Variants in ATAD3B observed in about 807,000 individuals in gnomAD.
ATAD3B encodes ATPase family AAA domain-containing protein 3B.
ATAD3B carries 59 observed loss-of-function variants against 70.2 expected under a neutral mutation model. The observed-to-expected ratio is 0.84, with a 90% confidence interval of 0.68 to 1.04. The LOEUF is 1.04. Ranked by LOEUF, ATAD3B falls within the 50% of genes least tolerant of loss-of-function variation. ATAD3B has a pLI of 0.00. For missense variants in ATAD3B, 961 were observed against 913.4 expected, an observed-to-expected ratio of 1.05 and a Z score of -0.67; for synonymous variants, 423 against 388.6, an observed-to-expected ratio of 1.09 and a Z score of -1.04.
At chr1:1,487,152 A>C (rs557247716) in intron 11 of ATAD3B, among the ~76,000 whole-genome samples, 2 of 152,234 alleles carry the variant, frequency 1.3e-5, no homozygotes, top group African/African-American at 2.4e-5. Context: ...CACGATCCTC[A>C]TGGTTGGCAC....
chr1:1,495,408 C>T, intron 15 of ATAD3B, 77 bp from the exon 16 acceptor site: 1 of 1,517,992 alleles, frequency 6.6e-7, no homozygotes, highest in Non-Finnish European at 8.8e-7. Context: ...GGCCCCTCCC[C>T]ACCTCGGGGC....
At chr1:1,490,816 C>G in intron 15 of ATAD3B, 145 bp downstream of exon 15, 1 of 1,464,546 alleles carries the variant, frequency 6.8e-7, no homozygotes, top group Non-Finnish European at 9.1e-7. Context: ...ACAGGGCCCC[C>G]TGCCTCAGTC....
rs761025941 is a variant in ATAD3B, at chr1:1,486,529, A to G, written c.1090-15A>G. The stretch of plus-strand genomic sequence containing the variant: ...GGGAACATCTGTTCTGTCTCCCCTC[A>G]CTCTTCTTGTCCAGAAACTCGCCCT... On this transcript the variant is annotated splice_polypyrimidine_tract_variant and intron_variant, in intron 10 of 15. Coordinates refer to ENST00000673477, the MANE Select transcript of ATAD3B (RefSeq NM_031921.6). 38 of 1,611,628 alleles carry G rather than the reference A, an allele frequency of 2.4e-5. 1 individual carries two copies. In the South Asian group the frequency reaches 3.8e-4, roughly 16 times the overall value.
At chr1:1,505,315 C>T in the ATAD3B span, among the ~76,000 whole-genome samples, 3 of 152,272 alleles carry the variant, frequency 2.0e-5, no homozygotes, top group South Asian at 6.2e-4. Context: ...TTATCAGAGA[C>T]TTTTAGTACT....
chr1:1,503,497 T>C, the ATAD3B span: 5 of 1,375,042 alleles, frequency 3.6e-6, no homozygotes, highest in Non-Finnish European at 3.0e-6. Flanking sequence ...TGGCCGTGGA[T>C]TCCAGAAAGC....
chr1:1,489,732 C>A (rs774484490), intron 13 of ATAD3B: 8 of 1,309,540 alleles, frequency 6.1e-6, no homozygotes, highest in Non-Finnish European at 8.0e-6. Context: ...TCCTGCTGGT[C>A]GGCCGTGGCT....
At chr1:1,479,324 C>G (rs35839908) in intron 4 of ATAD3B, among the ~76,000 whole-genome samples, 17,370 of 147,264 alleles carry the variant, frequency 0.12, 3,621 homozygotes, top group East Asian at 0.54. Flanking sequence ...ACACAGGCAC[C>G]TGCCCACACA....
chr1:1,489,807 C>T, intron 13 of ATAD3B: 1 of 1,273,316 alleles, frequency 7.9e-7, no homozygotes. Flanking sequence ...GGAGCCCTGA[C>T]TCAGGTCCTT....
chr1:1,479,896 G>A (rs1639813584), intron 4 of ATAD3B, among the ~76,000 whole-genome samples: 2 of 125,002 alleles, frequency 1.6e-5, no homozygotes, highest in Non-Finnish European at 3.3e-5. Flanking sequence ...GCATGCACAC[G>A]CCCACACACA....
chr1:1,490,194 C>A (rs942109093), intron 13 of ATAD3B, 63 bp from the exon 14 acceptor site: 11 of 1,580,724 alleles, frequency 7.0e-6, no homozygotes, highest in Middle Eastern at 1.7e-4. Context: ...GAGGAGCCCC[C>A]GTTGCCCTCG....
Position 1,494,832 on chromosome 1 carries a change from C to G in ATAD3B, c.1615-653C>G, listed in dbSNP as rs550413349. On this transcript the variant is annotated intron_variant, in intron 15 of 15. Transcript: ENST00000673477. ...GCACGGCACCTAGTGGGGGTCCCCACACCCTCACCCTGACCCATGGGTGCC... is the reference window on the plus strand; with the variant it reads ...GCACGGCACCTAGTGGGGGTCCCCAGACCCTCACCCTGACCCATGGGTGCC... 1.3e-5 allele frequency among the ~76,000 whole-genome samples: 2 copies of G among 152,042 alleles called. 1 individual carries two copies. Among genetic ancestry groups the G allele is most frequent in the Non-Finnish European group, 2.9e-5 (2 of 67,956 alleles).
chr1:1,478,576 C>T (rs759445836), intron 2 of ATAD3B, 68 bp from the exon 3 acceptor site: 11 of 1,550,284 alleles, frequency 7.1e-6, no homozygotes, highest in South Asian at 2.4e-5. Flanking sequence ...GCTGTGCAGA[C>T]ACAGGAGCGG....
At chr1:1,487,207 T>C (rs1640265813) in intron 11 of ATAD3B, among the ~76,000 whole-genome samples, 1 of 151,904 alleles carries the variant, frequency 6.6e-6, no homozygotes, top group African/African-American at 2.4e-5. Flanking sequence ...GACCTGTCCC[T>C]GCGCCAGGCG....
rs148302536 is a variant in ATAD3B at position 1,495,798 on chromosome 1, C to T, written c.1928C>T (p.Pro643Leu). 3.7e-4 allele frequency: 587 copies of T among 1,590,832 alleles called. 2 individuals are homozygous for T. The African/African-American group carries it at 6.9e-3, about 19-fold the overall frequency. The change falls in exon 16 of 16, where the codon CCA becomes CTA. Residue 643 changes from proline (P) to leucine (L), a missense_variant. Around this residue, in one of 4 missense-constraint regions of ATAD3B, gnomAD observed 417 missense variants for 335.0 expected, o/e 1.24. Coordinates refer to ENST00000673477, the MANE Select transcript of ATAD3B (RefSeq NM_031921.6). The stretch of plus-strand genomic sequence containing the variant: ...GGTGGCGGTCGGCCGTTCTGCCCCC[C>T]AGGGCACCCCCTGTTGTAGGCACTG... ...SCGGGRPFCP[P>L]GHPLL
At chr1:1,475,281 T>C (rs1639533270) in intron 1 of ATAD3B, among the ~76,000 whole-genome samples, 1 of 151,214 alleles carries the variant, frequency 6.6e-6, no homozygotes, top group African/African-American at 2.4e-5. Flanking sequence ...TCTTTCATTT[T>C]GATCCCTTCT....
At chr1:1,484,644 T>G (rs1165639459) in intron 7 of ATAD3B, 2 of 225,640 alleles carry the variant, frequency 8.9e-6, no homozygotes, top group Non-Finnish European at 1.7e-5. Flanking sequence ...AAGTTAGAGA[T>G]TTTGGGTTAG....
At chr1:1,492,315 A>T (rs1339890447) in intron 15 of ATAD3B, among the ~76,000 whole-genome samples, 2 of 150,416 alleles carry the variant, frequency 1.3e-5, no homozygotes, top group Non-Finnish European at 3.0e-5. Flanking sequence ...GATGAACCCC[A>T]CCTCTACAAA....
At chr1:1,505,185 G>T in the ATAD3B span, among the ~76,000 whole-genome samples, 1 of 152,156 alleles carries the variant, frequency 6.6e-6, no homozygotes, top group African/African-American at 2.4e-5. Context: ...GCCATCTCCA[G>T]TGATAGGTAA....
chr1:1,496,349 C>A lies in ATAD3B; in HGVS notation c.*532C>A. 1.4e-6 allele frequency: 1 copy of A among 714,018 alleles called. No individual in the cohort carries two copies. Among genetic ancestry groups the A allele is most frequent in the Non-Finnish European group, 1.7e-6 (1 of 581,656 alleles). The allele number at this position is 714,018 out of a possible 1,614,324, so 44.2% of individuals were successfully genotyped here. On this transcript the variant is annotated 3_prime_UTR_variant, in exon 16 of 16. Coordinates refer to ENST00000673477, the MANE Select transcript of ATAD3B (RefSeq NM_031921.6). ...AGAGCGGTGTGCTTCACATCAGCCT[C>A]GCGCCACATCCGAGTTGGGGTCTGA...
Sources: allele counts gnomAD v4.1 joint callset (sites outside exome capture counted in the v4.1 genomes callset), GRCh38; gene constraint gnomAD v4.1.1; regional missense constraint gnomAD v4.1.1; transcripts MANE v1.5; gene names NCBI Gene and HGNC (gene_info 2026-07-23, HGNC 2026-07-21).